The following OPA1 variants were observed in gnomAD, a reference collection of about 807,000 sequenced individuals.
OPA1 encodes OPA1 mitochondrial dynamin like GTPase, also known as dynamin-like GTPase OPA1, mitochondrial.
OPA1 carries 59 observed loss-of-function variants against 152.9 expected under a neutral mutation model. The observed-to-expected ratio is 0.39, with a 90% CI of 0.31 to 0.48. The LOEUF is 0.48. Ranked by LOEUF, OPA1 falls within the 20% of genes least tolerant of loss-of-function variation. The probability of loss-of-function intolerance (pLI) is 0.96; values close to 1 mark genes in which losing one functional copy is unlikely to be tolerated. For missense variants in OPA1, 1,008 were observed against 1,216.8 expected, an observed-to-expected ratio of 0.83 and a Z score of 2.55; for synonymous variants, 400 against 389.9, an observed-to-expected ratio of 1.03 and a Z score of -0.31.
At chr3:193,634,504 G>T (rs1384856365) in intron 8 of OPA1, among the ~76,000 whole-genome samples, 1 of 151,686 alleles carries the variant, frequency 6.6e-6, no homozygotes, top group Non-Finnish European at 1.5e-5. Context: ...TGCAACCTCC[G>T]CCTCCCGGGT....
At chr3:193,607,464 G>A (rs543787443) in intron 1 of OPA1, among the ~76,000 whole-genome samples, 171 of 152,298 alleles carry the variant, frequency 1.1e-3, no homozygotes, top group African/African-American at 3.8e-3. Flanking sequence ...AAGGGATCCA[G>A]TTTCAGCTTT....
At chr3:193,606,013 A>G (rs1195282433) in intron 1 of OPA1, among the ~76,000 whole-genome samples, 1 of 152,156 alleles carries the variant, frequency 6.6e-6, no homozygotes, top group African/African-American at 2.4e-5. Flanking sequence ...ACGGGGAGCA[A>G]TCCACTGGAG....
At chr3:193,663,023 TG>T in intron 26 of OPA1, 61 bp downstream of exon 26, 4 of 1,499,902 alleles carry the variant, frequency 2.7e-6, no homozygotes, top group Non-Finnish European at 3.7e-6. Flanking sequence ...TTGCAGTAAA[TG>T]TTACTACATG....
intron 1 of OPA1, among the ~76,000 whole-genome samples, chr3:193,612,710 G>T (rs754240216): frequency 1.3e-5 from 2 of 152,180 alleles, no homozygotes; most frequent in South Asian, 4.1e-4. Flanking sequence ...CGTAAAATTA[G>T]CTGGAGTCCC....
Position 193,615,023 on chromosome 3 carries a change from T to C in OPA1, c.333T>C (p.Gly111=). ...RYLILGSAVG[G]GYTAKKTFDQ... Reference sequence around the variant, plus strand: ...TCATACTAGGATCGGCTGTTGGGGGTGGCTACACAGCCAAAAAGGTGAACT... The same window carrying C: ...TCATACTAGGATCGGCTGTTGGGGGCGGCTACACAGCCAAAAAGGTGAACT... The change falls in exon 2 of 31, where the codon GGT becomes GGC. Residue 111 remains glycine, a synonymous_variant. Coordinates refer to ENST00000361510, the MANE Select transcript of OPA1 (RefSeq NM_130837.3). 6.2e-7 allele frequency: 1 copy of C among 1,613,930 alleles called. No individual in the cohort carries two copies. Among genetic ancestry groups the C allele is most frequent in the Non-Finnish European group, 8.5e-7 (1 of 1,179,838 alleles).
At chr3:193,643,664 T>A in intron 15 of OPA1, 37 bp downstream of exon 15, 1 of 1,517,842 alleles carries the variant, frequency 6.6e-7, no homozygotes, top group Non-Finnish European at 9.1e-7. Context: ...TACTGATATG[T>A]TTTCTTCTTT....
At chr3:193,615,079 A>G (rs750138740) in intron 2 of OPA1, 38 bp downstream of exon 2, 3 of 1,467,082 alleles carry the variant, frequency 2.0e-6, no homozygotes, top group Non-Finnish European at 2.9e-6. Context: ...CAATTATTAT[A>G]TCATGATTAA....
chr3:193,633,099 G>A (rs919189199), intron 8 of OPA1, among the ~76,000 whole-genome samples: 4 of 120,390 alleles, frequency 3.3e-5, no homozygotes, highest in Admixed American at 8.2e-5. Flanking sequence ...GCTCTGAGTG[G>A]CACTATATCT....
intron 29 of OPA1, chr3:193,668,862 C>A (rs1717297089): frequency 9.4e-7 from 1 of 1,064,308 alleles, no homozygotes; most frequent in Non-Finnish European, 1.1e-6. Flanking sequence ...TTACTTAGAT[C>A]TTTGAGAACT....
intron 9 of OPA1, 50 bp from the exon 10 acceptor site, chr3:193,637,145 T>G (rs746610853): frequency 1.0e-6 from 1 of 1,002,822 alleles, no homozygotes; most frequent in Non-Finnish European, 1.5e-6. Context: ...TGTTATATTT[T>G]TTTCTTTACT....
chr3:193,622,616 A>G (rs914644938), intron 6 of OPA1, among the ~76,000 whole-genome samples: 3 of 152,096 alleles, frequency 2.0e-5, no homozygotes, highest in Admixed American at 2.0e-4. Context: ...TCATCTTTAT[A>G]GCATAGCTCA....
intron 1 of OPA1, among the ~76,000 whole-genome samples, chr3:193,598,916 C>T (rs9838374): frequency 0.22 from 33,611 of 152,074 alleles, 3,870 homozygotes; most frequent in South Asian, 0.29. Context: ...GTGAGCTAAA[C>T]GTTGTGGAAC....
rs549036563 is a variant in OPA1 at position 193,623,055 on chromosome 3, A to G, written c.679-3037A>G. On this transcript the variant is annotated intron_variant, in intron 6 of 30. Coordinates refer to ENST00000361510, the MANE Select transcript of OPA1 (RefSeq NM_130837.3). ...CTTGCTTTTCTGGGATTTCTTATGC[A>G]ACAAATAATGTAGTAACTGGAAATC... Among the ~76,000 whole-genome samples the G allele has an allele frequency of 7.2e-5, 11 of 152,324 alleles. No homozygotes were observed. The South Asian group carries it at 2.3e-3, about 32-fold the overall frequency.
At chr3:193,652,226 A>G (rs1408900296) in intron 21 of OPA1, among the ~76,000 whole-genome samples, 3 of 152,068 alleles carry the variant, frequency 2.0e-5, no homozygotes, top group Non-Finnish European at 4.4e-5. Context: ...TAATAAATAT[A>G]CAAAAATTAG....
intron 1 of OPA1, among the ~76,000 whole-genome samples, chr3:193,603,876 C>G (rs538190204): frequency 1.3e-5 from 2 of 152,150 alleles, no homozygotes; most frequent in Non-Finnish European, 2.9e-5. Flanking sequence ...ATTTCTGATA[C>G]TACACTCACA....
chr3:193,631,649 A>G lies in OPA1; in HGVS notation c.827A>G (p.Glu276Gly). The G allele has an allele frequency of 6.2e-7, 1 of 1,612,264 alleles. No homozygotes were observed. Among genetic ancestry groups the G allele is most frequent in the Non-Finnish European group, 8.5e-7 (1 of 1,178,558 alleles). Reference sequence around the variant, plus strand: ...GAGAAAATTGACCAACTTCAGGAAGAACTTCTGCACACTCAGGTAATCATG... The same window carrying G: ...GAGAAAATTGACCAACTTCAGGAAGGACTTCTGCACACTCAGGTAATCATG... Reference protein sequence around the residue: ...DKEKIDQLQEELLHTQLKYQR... With the variant: ...DKEKIDQLQEGLLHTQLKYQR... Residue 276 changes from glutamate to glycine, a missense_variant, in exon 8 of 31, where the codon GAA (glutamate) becomes GGA (glycine). Around this residue, in one of 7 missense-constraint regions of OPA1, gnomAD observed 408 missense variants for 395.1 expected, o/e 1.03. Coordinates refer to ENST00000361510, the MANE Select transcript of OPA1 (RefSeq NM_130837.3).
At chr3:193,678,107 C>T (rs1306113188) in intron 29 of OPA1, among the ~76,000 whole-genome samples, 3 of 152,172 alleles carry the variant, frequency 2.0e-5, no homozygotes, top group African/African-American at 7.2e-5. Flanking sequence ...TAGAACAGCT[C>T]ATTCATCTAT....
chr3:193,596,794 A>G (rs1316133803), intron 1 of OPA1: 1 of 152,210 alleles, frequency 6.6e-6, no homozygotes, highest in Non-Finnish European at 1.5e-5. Context: ...AATGTTTTGT[A>G]TGCAGCTGTA....
intron 6 of OPA1, among the ~76,000 whole-genome samples, chr3:193,620,519 T>G (rs1729863789): frequency 6.6e-6 from 1 of 152,238 alleles, no homozygotes; most frequent in Non-Finnish European, 1.5e-5. Flanking sequence ...TACTCTTTGC[T>G]TGTTTTGATT....
Sources: gnomAD v4.1 joint callset for allele counts (sites outside exome capture counted in the v4.1 genomes callset) on GRCh38, gnomAD v4.1.1 for gene constraint, gnomAD v4.1.1 regional missense constraint, MANE v1.5 for transcripts, NCBI Gene and HGNC (gene_info 2026-07-23, HGNC 2026-07-21) for gene names.